SPTBN1: variants seen among roughly 807,000 people sequenced by gnomAD.
SPTBN1 encodes spectrin beta, non-erythrocytic 1.
SPTBN1 carries 32 observed loss-of-function variants against 266.4 expected under a neutral mutation model. That is an observed-to-expected ratio of 0.12 (90% confidence interval 0.09 to 0.16). The LOEUF (loss-of-function observed/expected upper bound fraction) is 0.16, where lower values mean the gene tolerates loss of function less well. Among genes scored for constraint, SPTBN1 ranks in the 10% least tolerant of loss-of-function variants. The pLI, the probability that SPTBN1 is intolerant of heterozygous loss-of-function variation, is 1.00. For missense variants in SPTBN1, 2,296 were observed against 3,067.1 expected (o/e 0.75, Z 5.94); for synonymous variants, 1,336 against 1,162.2 (o/e 1.15, Z -3.04).
intron 2 of SPTBN1, among the ~76,000 whole-genome samples, chr2:54,589,681 C>A (rs1437646400): frequency 6.6e-6 from 1 of 152,180 alleles, no homozygotes. Flanking sequence ...CAGACTAGTC[C>A]GTCACAGGGA....
intron 2 of SPTBN1, among the ~76,000 whole-genome samples, chr2:54,547,536 A>G (rs1481003170): frequency 6.6e-6 from 1 of 152,206 alleles, no homozygotes; most frequent in Non-Finnish European, 1.5e-5. Flanking sequence ...GAACCTCCAT[A>G]CTATTTCCCA....
At chr2:54,659,075 C>G in intron 30 of SPTBN1, 79 bp from the exon 31 acceptor site, 1 of 1,498,864 alleles carries the variant, frequency 6.7e-7, no homozygotes, top group Non-Finnish European at 9.2e-7. Context: ...GACAGGAGGA[C>G]TTCCTGGGTT....
intron 17 of SPTBN1, among the ~76,000 whole-genome samples, chr2:54,637,269 A>G (rs1246915073): frequency 6.7e-6 from 1 of 150,194 alleles, no homozygotes; most frequent in Non-Finnish European, 1.5e-5. Flanking sequence ...AAGATGAGAA[A>G]CTCTTTATCA....
chr2:54,485,144 GCCTCTCCCTCTC>G (rs1372086150), intron 1 of SPTBN1, among the ~76,000 whole-genome samples: 1 of 104,346 alleles, frequency 9.6e-6, no homozygotes, highest in Non-Finnish European at 2.3e-5. Flanking sequence ...GAAAACAATC[GCCTCTCCCTCTC>G]CCTCTCCCTC....
intron 3 of SPTBN1, among the ~76,000 whole-genome samples, chr2:54,605,884 T>C (rs1229829799): frequency 6.6e-6 from 1 of 152,222 alleles, no homozygotes; most frequent in Admixed American, 6.5e-5. Context: ...GAACCATCCC[T>C]TAGTTCATCT....
In SPTBN1 at chr2:54,631,046, G is replaced by T; in HGVS notation, c.2999G>T (p.Gly1000Val). 1 of 1,613,942 alleles carries T rather than the reference G, an allele frequency of 6.2e-7. No individual in the cohort carries two copies. Among genetic ancestry groups the T allele is most frequent in the Non-Finnish European group, 8.5e-7 (1 of 1,179,816 alleles). Residue 1000 changes from glycine to valine, a missense_variant, in exon 16 of 36, where the codon GGC (glycine) becomes GTC (valine). This residue lies in a region of SPTBN1 where 128 missense variants were observed against 176.5 expected (regional missense o/e 0.73). Transcript: ENST00000356805. ...GVMALQRKLT[G>V]MERDLVAIEA... ...ATGGCCCTGCAGCGCAAGCTGACCG[G>T]CATGGAGCGGGACTTGGTGGCCATT...
intron 1 of SPTBN1, among the ~76,000 whole-genome samples, chr2:54,493,994 A>T (rs1312883768): frequency 6.6e-6 from 1 of 152,200 alleles, no homozygotes; most frequent in Non-Finnish European, 1.5e-5. Context: ...ACTTGAAGAT[A>T]ATCACAGTGT....
chr2:54,655,875 T>C (rs768441169), intron 28 of SPTBN1, 39 bp from the exon 29 acceptor site: 2 of 1,520,782 alleles, frequency 1.3e-6, no homozygotes, highest in African/African-American at 1.4e-5. Context: ...ATGTGGTGCA[T>C]TCCATTAAGA....
intron 3 of SPTBN1, 31 bp downstream of exon 3, chr2:54,599,274 T>C: frequency 6.2e-7 from 1 of 1,602,876 alleles, no homozygotes; most frequent in South Asian, 1.1e-5. Flanking sequence ...GTGCCGTGTG[T>C]TGTAGGTGGA....
At chr2:54,467,789 C>T (rs1256263041) in intron 1 of SPTBN1, among the ~76,000 whole-genome samples, 3 of 151,842 alleles carry the variant, frequency 2.0e-5, no homozygotes, top group Non-Finnish European at 2.9e-5. Context: ...TCTGCTAATA[C>T]ACATAGTATA....
intron 12 of SPTBN1, 124 bp from the exon 13 acceptor site, chr2:54,627,973 G>T: frequency 9.1e-7 from 1 of 1,101,450 alleles, no homozygotes; most frequent in Non-Finnish European, 1.3e-6. Flanking sequence ...GAAGGTGTGG[G>T]GTCCATGGCA....
rs898195434 is a variant in SPTBN1 at position 54,524,115 on chromosome 2, C to T, written c.-47-2257C>T. 9.2e-5 allele frequency among the ~76,000 whole-genome samples: 14 copies of T among 152,126 alleles called. 1 individual carries two copies. Among genetic ancestry groups the T allele is most frequent in the Admixed American group, 7.9e-4 (12 of 15,278 alleles). On this transcript the variant is annotated intron_variant, in intron 1 of 35. Coordinates refer to ENST00000356805, the MANE Select transcript of SPTBN1 (RefSeq NM_003128.3). ...TCGGGAGGCTGAGGCAGAAGAATTG[C>T]TTGAACCCAGGAGGCGGAGGCTGCA...
In SPTBN1 at chr2:54,626,021, T is replaced by C. The variant is rs752211520; in HGVS notation, c.1431T>C (p.Arg477=). The change falls in exon 12 of 36, where the codon CGT becomes CGC. Residue 477 remains arginine (R), a synonymous_variant. Coordinates refer to ENST00000356805, the MANE Select transcript of SPTBN1 (RefSeq NM_003128.3). This position sits in a 1 kb window ranked among gnomAD's most constrained non-coding sequence, Gnocchi z 4.7. ...IETDIAAYEE[R]VQAVVAVARE... is the part of the protein sequence containing the mutation. ...CAGACATTGCCGCATACGAGGAGCGTGTGCAGGCTGTGGTAGCCGTGGCCA... is the reference window on the plus strand; with the variant it reads ...CAGACATTGCCGCATACGAGGAGCGCGTGCAGGCTGTGGTAGCCGTGGCCA... 1.4e-5 allele frequency: 23 copies of C among 1,614,030 alleles called. No individual in the cohort carries two copies. Among genetic ancestry groups the C allele is most frequent in the Non-Finnish European group, 1.8e-5 (21 of 1,180,034 alleles).
rs1359080023 is a variant in SPTBN1, at chr2:54,669,337, T to C, written c.*768T>C. 6.6e-6 allele frequency: 1 copy of C among 152,524 alleles called. No homozygotes were observed. The highest frequency in any genetic ancestry group is 1.5e-5 in the Non-Finnish European group (1 of 68,028). 9.4% of individuals were successfully genotyped at this position (152,524 alleles called of 1,614,324 possible). A position where few individuals can be genotyped will look rare whatever the true frequency, so the allele number is the denominator to read the frequency against. On this transcript the variant is annotated 3_prime_UTR_variant, in exon 36 of 36. Coordinates refer to ENST00000356805, the MANE Select transcript of SPTBN1 (RefSeq NM_003128.3). ...GATGTATAATAAACCCTTTAAATCA[T>C]TGGTAAGTGTACAAGTGGTGGAACT... is the stretch of plus-strand genomic sequence containing the variant.
At chr2:54,660,444 G>A in intron 32 of SPTBN1, 1 of 1,013,006 alleles carries the variant, frequency 9.9e-7, no homozygotes, top group Non-Finnish European at 1.2e-6. Context: ...GCACAGTACT[G>A]TGCTATATGT....
At chr2:54,457,240 C>CTTCA (rs1478777246) in intron 1 of SPTBN1, 1 of 152,000 alleles carries the variant, frequency 6.6e-6, no homozygotes, top group Admixed American at 6.5e-5. Context: ...TGCGCCCGCC[C>CTTCA]TTCAGCTCCT....
intron 29 of SPTBN1, among the ~76,000 whole-genome samples, chr2:54,657,032 C>T (rs1438410860): frequency 2.0e-5 from 3 of 152,222 alleles, no homozygotes; most frequent in Admixed American, 6.5e-5. Flanking sequence ...GGGACACCAA[C>T]GCTGCCCACA....
chr2:54,668,236 G>A, intron 35 of SPTBN1, 115 bp from the exon 36 acceptor site: 2 of 936,130 alleles, frequency 2.1e-6, no homozygotes, highest in South Asian at 1.5e-5. Context: ...ACAGTGCCCA[G>A]AAGTGACTCT....
At chr2:54,529,851 CCAAAAAAAAAAAAAAA>C in intron 2 of SPTBN1, 1 of 59,524 alleles carries the variant, frequency 1.7e-5, no homozygotes. Context: ...TCTCTTTTCA[CCAAAAAAAAAAAAAAA>C]AAAAAAAAAA....
Sources: allele counts gnomAD v4.1 joint callset (sites outside exome capture counted in the v4.1 genomes callset), GRCh38; gene constraint gnomAD v4.1.1; regional missense constraint gnomAD v4.1.1; non-coding constraint Gnocchi (gnomAD v3.1); transcripts MANE v1.5; gene names NCBI Gene and HGNC (gene_info 2026-07-23, HGNC 2026-07-21).